The following RHOBTB1 variants were observed in gnomAD, a reference collection of about 807,000 sequenced individuals.
RHOBTB1 encodes the protein Rho related BTB domain containing 1.
Under a neutral mutation model 71.6 loss-of-function variants are expected in RHOBTB1, and 40 were observed. That is an observed-to-expected ratio of 0.56 (90% CI 0.43 to 0.73). The LOEUF is 0.73. Ranked by LOEUF, RHOBTB1 falls within the 30% of genes least tolerant of loss-of-function variation. The pLI is 0.00. For missense variants in RHOBTB1, 797 were observed against 894.0 expected (o/e 0.89, Z 1.38); for synonymous variants, 319 against 334.9 (o/e 0.95, Z 0.52).
At chr10:60,897,369 C>T (rs1221143717) in intron 4 of RHOBTB1, among the ~76,000 whole-genome samples, 2 of 152,178 alleles carry the variant, frequency 1.3e-5, no homozygotes, top group Non-Finnish European at 2.9e-5. Context: ...GAATTTTCTT[C>T]TAAATTCTTT....
At chr10:60,907,994 G>A (rs978338855) in intron 4 of RHOBTB1, among the ~76,000 whole-genome samples, 4 of 152,212 alleles carry the variant, frequency 2.6e-5, no homozygotes, top group African/African-American at 7.2e-5. Flanking sequence ...AGCACCTAAT[G>A]TGTTGACTGG....
intron 2 of RHOBTB1, among the ~76,000 whole-genome samples, chr10:60,936,003 A>C (rs1336798033): frequency 6.6e-6 from 1 of 152,224 alleles, no homozygotes; most frequent in African/African-American, 2.4e-5. Flanking sequence ...ATAATTTAAC[A>C]GTGTTAATAA....
chr10:60,878,873 A>G (rs1433602399), intron 7 of RHOBTB1, among the ~76,000 whole-genome samples: 1 of 152,090 alleles, frequency 6.6e-6, no homozygotes, highest in Non-Finnish European at 1.5e-5. Flanking sequence ...CGTAGCAGCT[A>G]CTCTTTATTT....
At chr10:60,889,423 CATAA>C (rs775125752) in intron 5 of RHOBTB1, among the ~76,000 whole-genome samples, 1 of 152,130 alleles carries the variant, frequency 6.6e-6, no homozygotes, top group Non-Finnish European at 1.5e-5. Context: ...GAAGCTTATC[CATAA>C]ATATTCCATG....
chr10:60,861,792 A>G, the RHOBTB1 span, among the ~76,000 whole-genome samples: 15 of 152,196 alleles, frequency 9.9e-5, no homozygotes, highest in African/African-American at 3.4e-4. Flanking sequence ...GTAAAAAGAT[A>G]CCCACTAAAA....
intron 2 of RHOBTB1, among the ~76,000 whole-genome samples, chr10:60,962,657 T>C (rs1193170865): frequency 6.6e-6 from 1 of 152,200 alleles, no homozygotes; most frequent in East Asian, 1.9e-4. Flanking sequence ...ATTTAAGAAG[T>C]ATTTAAAGCT....
At chr10:60,971,765 G>A (rs905900136) in intron 2 of RHOBTB1, among the ~76,000 whole-genome samples, 2 of 152,114 alleles carry the variant, frequency 1.3e-5, no homozygotes, top group Non-Finnish European at 2.9e-5. Context: ...GCAACCTACA[G>A]AATAGGAGAA....
At chr10:60,863,816 A>T in the RHOBTB1 span, among the ~76,000 whole-genome samples, 1 of 152,182 alleles carries the variant, frequency 6.6e-6, no homozygotes, top group African/African-American at 2.4e-5. Context: ...CACAGGCATG[A>T]TCCACTGGCT....
At chr10:60,956,989 A>G (rs1305491613) in intron 2 of RHOBTB1, among the ~76,000 whole-genome samples, 1 of 152,174 alleles carries the variant, frequency 6.6e-6, no homozygotes, top group Middle Eastern at 3.2e-3. Flanking sequence ...AACACTAAGA[A>G]TGTGCTATCA....
upstream of RHOBTB1, among the ~76,000 whole-genome samples, chr10:60,947,687 T>G (rs79293407): frequency 1.4e-3 from 210 of 152,328 alleles, 4 homozygotes; most frequent in East Asian, 0.038. Context: ...AATTAAATTT[T>G]TATTGCATGG....
rs546524329 is a variant in RHOBTB1, at chr10:60,987,818, C to T, written c.-162-1873G>A. Among the ~76,000 whole-genome samples, 3 of 152,024 alleles carry T rather than the reference C, an allele frequency of 2.0e-5. No individual in the cohort carries two copies. In the East Asian group the frequency reaches 5.8e-4, roughly 29 times the overall value. On this transcript the variant is annotated intron_variant, in intron 1 of 11. Coordinates refer to the RHOBTB1 transcript ENST00000357917. ...CCTTTGCAGACATTCTAAACCATCTCCCCTCACTATCAAATGCTCTCCACC... is the reference window on the plus strand; with the variant it reads ...CCTTTGCAGACATTCTAAACCATCTTCCCTCACTATCAAATGCTCTCCACC...
At chr10:60,934,743 G>A (rs2084472232) in intron 2 of RHOBTB1, among the ~76,000 whole-genome samples, 1 of 152,150 alleles carries the variant, frequency 6.6e-6, no homozygotes, top group South Asian at 2.1e-4. Flanking sequence ...CATGCTTACT[G>A]AAGTGAGGCC....
At chr10:60,985,079 A>G (rs753362376) in intron 2 of RHOBTB1, among the ~76,000 whole-genome samples, 1 of 152,236 alleles carries the variant, frequency 6.6e-6, no homozygotes, top group Non-Finnish European at 1.5e-5. Flanking sequence ...TATGCCCACC[A>G]TCTTAATTCT....
chr10:60,905,816 G>A (rs111462268), intron 4 of RHOBTB1, among the ~76,000 whole-genome samples: 1,961 of 152,190 alleles, frequency 0.013, 34 homozygotes, highest in Non-Finnish European at 0.014. Flanking sequence ...TCAAAATGCT[G>A]TATCTAGACA....
intron 2 of RHOBTB1, among the ~76,000 whole-genome samples, chr10:60,937,726 T>G (rs1292959204): frequency 1.3e-5 from 2 of 152,212 alleles, no homozygotes; most frequent in Non-Finnish European, 2.9e-5. Flanking sequence ...CTCGGCCTGT[T>G]GTGTTCAAGA....
intron 1 of RHOBTB1, among the ~76,000 whole-genome samples, chr10:60,994,529 A>G (rs1231451225): frequency 6.6e-6 from 1 of 151,770 alleles, no homozygotes; most frequent in Non-Finnish European, 1.5e-5. Flanking sequence ...CCAAGTTCAC[A>G]TTTTCCATAA....
chr10:60,873,825 T>C (rs1205905484), intron 9 of RHOBTB1, among the ~76,000 whole-genome samples: 1 of 152,274 alleles, frequency 6.6e-6, no homozygotes, highest in African/African-American at 2.4e-5. Flanking sequence ...TTCCCTTACT[T>C]GCCTATGATT....
intron 1 of RHOBTB1, among the ~76,000 whole-genome samples, chr10:60,995,077 C>T (rs1056894936): frequency 2.0e-5 from 3 of 151,918 alleles, no homozygotes; most frequent in Admixed American, 1.3e-4. Flanking sequence ...TAAGGTGTGA[C>T]TAAAGATCAT....
intron 2 of RHOBTB1, among the ~76,000 whole-genome samples, chr10:60,960,457 G>T (rs901359913): frequency 9.9e-5 from 15 of 152,220 alleles, no homozygotes; most frequent in African/African-American, 3.6e-4. Flanking sequence ...TAGAGAACTA[G>T]AAATTTAATA....
Sources: allele counts gnomAD v4.1 joint callset (sites outside exome capture counted in the v4.1 genomes callset), GRCh38; gene constraint gnomAD v4.1.1; transcripts MANE v1.5; gene names NCBI Gene and HGNC (gene_info 2026-07-23, HGNC 2026-07-21).